The following LPGAT1 variants were observed in gnomAD, a reference collection of about 807,000 sequenced individuals.
LPGAT1 encodes acyl-CoA:lysophosphatidylglycerol acyltransferase 1.
Under a neutral mutation model 47.5 loss-of-function variants are expected in LPGAT1, and 11 were observed. The ratio of observed to expected loss-of-function variants is 0.23; its 90% CI spans 0.15 to 0.38. LPGAT1 has a LOEUF of 0.38. Among genes scored for constraint, LPGAT1 ranks in the 10% least tolerant of loss-of-function variants. LPGAT1 has a pLI of 1.00. For synonymous variants in LPGAT1, 138 were observed against 144.2 expected, an observed-to-expected ratio of 0.96 and a Z score of 0.31; for missense variants, 293 against 439.0, an observed-to-expected ratio of 0.67 and a Z score of 2.97.
intron 4 of LPGAT1, among the ~76,000 whole-genome samples, chr1:211,785,197 G>A (rs1658828110): frequency 1.3e-5 from 2 of 152,140 alleles, no homozygotes; most frequent in Non-Finnish European, 2.9e-5. Context: ...TCAGTCTTTA[G>A]ATCAAATGTA....
Position 211,827,916 on chromosome 1 carries a change from G to A in LPGAT1, c.238+1143C>T, listed in dbSNP as rs1660589153. 2.6e-5 allele frequency among the ~76,000 whole-genome samples: 4 copies of A among 152,218 alleles called. No homozygotes were observed. The South Asian group carries it at 8.3e-4, about 32-fold the overall frequency. On this transcript the variant is annotated intron_variant, in intron 2 of 7. Coordinates refer to ENST00000366997, the MANE Select transcript of LPGAT1 (RefSeq NM_014873.3). ...AATAAATAAATGCCACTGCCTGAAG[G>A]AGAAAAGGCTTCATCTGGGGCAACT...
At chr1:211,828,079 C>A (rs1431015426) in intron 2 of LPGAT1, among the ~76,000 whole-genome samples, 2 of 152,154 alleles carry the variant, frequency 1.3e-5, no homozygotes, top group African/African-American at 2.4e-5. Flanking sequence ...AGATGGAGAA[C>A]TGCCATACTG....
chr1:211,759,964 T>C (rs1249397453), intron 6 of LPGAT1, among the ~76,000 whole-genome samples: 5 of 152,238 alleles, frequency 3.3e-5, no homozygotes, highest in Non-Finnish European at 5.9e-5. Context: ...CTATATTATC[T>C]TTATAAAGAT....
chr1:211,819,601 GAGC>G (rs1194086764), intron 2 of LPGAT1, among the ~76,000 whole-genome samples: 1 of 152,186 alleles, frequency 6.6e-6, no homozygotes, highest in African/African-American at 2.4e-5. Context: ...CTGGGGTGGA[GAGC>G]AGCTTATAGG....
intron 2 of LPGAT1, among the ~76,000 whole-genome samples, chr1:211,805,206 A>C (rs980798992): frequency 6.6e-6 from 1 of 152,174 alleles, no homozygotes; most frequent in Non-Finnish European, 1.5e-5. Flanking sequence ...CCACAAAAAA[A>C]CACAAAAACC....
chr1:211,763,347 G>A (rs753013584), intron 6 of LPGAT1, among the ~76,000 whole-genome samples: 3 of 152,156 alleles, frequency 2.0e-5, no homozygotes, highest in Non-Finnish European at 2.9e-5. Context: ...ACAAGAGTGA[G>A]TCTGTTCTAA....
intron 6 of LPGAT1, among the ~76,000 whole-genome samples, chr1:211,754,530 TA>T (rs150967810): frequency 0.04 from 6,016 of 152,264 alleles, 172 homozygotes; most frequent in South Asian, 0.11. Context: ...GAAGTAAACA[TA>T]AGTCCAATCT....
chr1:211,789,528 A>C (rs908722839), intron 3 of LPGAT1, among the ~76,000 whole-genome samples: 2 of 152,216 alleles, frequency 1.3e-5, no homozygotes, highest in Non-Finnish European at 2.9e-5. Context: ...ACAGAAATAA[A>C]AATTCTTAGT....
At chr1:211,796,995 T>A (rs1168645870) in intron 2 of LPGAT1, among the ~76,000 whole-genome samples, 3 of 152,048 alleles carry the variant, frequency 2.0e-5, no homozygotes, top group African/African-American at 7.2e-5. Context: ...GTGGCTCACG[T>A]CTATAATCCC....
At chr1:211,789,165 T>G (rs887227942) in intron 3 of LPGAT1, among the ~76,000 whole-genome samples, 1 of 152,240 alleles carries the variant, frequency 6.6e-6, no homozygotes, top group Non-Finnish European at 1.5e-5. Flanking sequence ...TACAGTACTA[T>G]GTTTAAATAA....
rs28428862 is a variant in LPGAT1 at position 211,749,397 on chromosome 1, A to C, written c.*502T>G. ...ACAGACTGGAGTTTGTTACTGCAACAGACTGGAGTTTGTTACTGCAAACGA... is the reference window on the plus strand; with the variant it reads ...ACAGACTGGAGTTTGTTACTGCAACCGACTGGAGTTTGTTACTGCAAACGA... On this transcript the variant is annotated 3_prime_UTR_variant, in exon 8 of 8. Transcript: ENST00000366997. 1.3e-4 allele frequency: 21 copies of C among 157,082 alleles called. No individual in the cohort carries two copies. Among genetic ancestry groups the C allele is most frequent in the Non-Finnish European group, 2.6e-4 (19 of 71,814 alleles). 9.7% of individuals were successfully genotyped at this position (157,082 alleles called of 1,614,324 possible).
In LPGAT1 at chr1:211,818,687, G is replaced by C. The variant is rs138175171; in HGVS notation, c.238+10372C>G. On this transcript the variant is annotated intron_variant, in intron 2 of 7. Coordinates refer to ENST00000366997, the MANE Select transcript of LPGAT1 (RefSeq NM_014873.3). ...TTGTCAAACTTTGGAGTGCACTAGT[G>C]ATCTTTAAAGTTCTCAAGGCAGACC... Among the ~76,000 whole-genome samples, 131 of 152,270 alleles carry C rather than the reference G, an allele frequency of 8.6e-4. 1 individual carries two copies. Among genetic ancestry groups the C allele is most frequent in the African/African-American group, 3.0e-3 (123 of 41,562 alleles).
At chr1:211,755,886 AT>A (rs1442829817) in intron 6 of LPGAT1, among the ~76,000 whole-genome samples, 1 of 152,218 alleles carries the variant, frequency 6.6e-6, no homozygotes, top group Non-Finnish European at 1.5e-5. Context: ...GTTTTGGTTG[AT>A]GAAATATTTT....
rs557936311 is a variant in LPGAT1 at position 211,823,647 on chromosome 1, A to G, written c.238+5412T>C. Among the ~76,000 whole-genome samples the G allele has an allele frequency of 2.0e-5, 3 of 152,278 alleles. No individual in the cohort carries two copies. The East Asian group carries it at 5.8e-4, about 29-fold the overall frequency. Reference sequence around the variant, plus strand: ...AAGTTCAATAAAGGTGTGTTAAATTAGTAAATGTGGCCAGGCATGGTGGCT... The same window carrying G: ...AAGTTCAATAAAGGTGTGTTAAATTGGTAAATGTGGCCAGGCATGGTGGCT... On this transcript the variant is annotated intron_variant, in intron 2 of 7. Coordinates refer to ENST00000366997, the MANE Select transcript of LPGAT1 (RefSeq NM_014873.3).
rs568947720 is a variant in LPGAT1 at position 211,747,630 on chromosome 1, C to A, written c.*2269G>T. 1 of 152,284 alleles carries A rather than the reference C, an allele frequency of 6.6e-6. No individual in the cohort carries two copies. Among genetic ancestry groups the A allele is most frequent in the African/African-American group, 2.4e-5 (1 of 41,544 alleles). 9.4% of individuals were successfully genotyped at this position (152,284 alleles called of 1,614,324 possible). ...TGAGGAAAAGGTCTATCAGCTAGGA[C>A]CGTGCATGCTGTATTTGACAGTGAG... On this transcript the variant is annotated 3_prime_UTR_variant, in exon 8 of 8. Transcript: ENST00000366997.
chr1:211,767,759 T>C (rs1283105102), intron 6 of LPGAT1, among the ~76,000 whole-genome samples: 4 of 152,114 alleles, frequency 2.6e-5, no homozygotes, highest in Admixed American at 6.5e-5. Context: ...TAAGCAATGA[T>C]AGAGAAAAGT....
At chr1:211,811,447 G>A (rs1217710957) in intron 2 of LPGAT1, among the ~76,000 whole-genome samples, 1 of 152,174 alleles carries the variant, frequency 6.6e-6, no homozygotes, top group Non-Finnish European at 1.5e-5. Flanking sequence ...TTGCTAAATG[G>A]GGATTTTTTT....
At chr1:211,803,178 C>G (rs1558276661) in intron 2 of LPGAT1, 1 of 151,702 alleles carries the variant, frequency 6.6e-6, no homozygotes, top group Admixed American at 6.6e-5. Flanking sequence ...AATAACCAAT[C>G]AGGTGCAAGC....
intron 6 of LPGAT1, among the ~76,000 whole-genome samples, chr1:211,753,686 T>C (rs1657307109): frequency 6.6e-6 from 1 of 152,230 alleles, no homozygotes; most frequent in Non-Finnish European, 1.5e-5. Flanking sequence ...CTATTAGGAA[T>C]TCTAGAAGCA....
Sources: gnomAD v4.1 joint callset for allele counts (sites outside exome capture counted in the v4.1 genomes callset) on GRCh38, gnomAD v4.1.1 for gene constraint, MANE v1.5 for transcripts, NCBI Gene and HGNC (gene_info 2026-07-23, HGNC 2026-07-21) for gene names.